Variants in SNX29 observed in about 807,000 individuals in gnomAD.
SNX29 encodes the protein sorting nexin 29.
Under a neutral mutation model 102.1 loss-of-function variants are expected in SNX29, and 78 were observed. The ratio of observed to expected loss-of-function variants is 0.76; its 90% CI spans 0.64 to 0.92. The LOEUF is 0.92. Ranked by LOEUF, SNX29 falls within the 40% of genes least tolerant of loss-of-function variation. SNX29 has a pLI of 0.00. For synonymous variants in SNX29, 580 were observed against 414.5 expected (o/e 1.40, Z -4.85); for missense variants, 1,280 against 1,061.7 (o/e 1.21, Z -2.86).
At chr16:12,362,310 A>T (rs2082322946) in intron 16 of SNX29, among the ~76,000 whole-genome samples, 1 of 152,314 alleles carries the variant, frequency 6.6e-6, no homozygotes, top group African/African-American at 2.4e-5. Context: ...CTGGCAGTCC[A>T]CAGGGCTCAG....
rs143115677 is a variant in SNX29, at chr16:12,539,543, A to C, written c.2318+14702A>C. Among the ~76,000 whole-genome samples, 8 of 152,346 alleles carry C rather than the reference A, an allele frequency of 5.3e-5. No homozygotes were observed. The East Asian group carries it at 1.3e-3, about 26-fold the overall frequency. On this transcript the variant is annotated intron_variant, in intron 20 of 20. Coordinates refer to ENST00000566228, the MANE Select transcript of SNX29 (RefSeq NM_032167.5). ...TGGCAATTTTGAATAGAGCTAGTGG[A>C]AACATTCAAGTGCAGCTTTTTGTGT...
chr16:12,563,605 C>T (rs1212381670), intron 20 of SNX29, among the ~76,000 whole-genome samples: 1 of 88,570 alleles, frequency 1.1e-5, no homozygotes, highest in African/African-American at 3.2e-5. Context: ...TCTGTATCAC[C>T]ACATCTCACA....
chr16:12,536,099 C>T (rs2077070370), intron 20 of SNX29, among the ~76,000 whole-genome samples: 2 of 152,156 alleles, frequency 1.3e-5, no homozygotes, highest in Admixed American at 6.5e-5. Flanking sequence ...TTGCCTGGAC[C>T]AGAGAGAAGG....
chr16:12,220,929 G>C (rs2077458931), intron 14 of SNX29, among the ~76,000 whole-genome samples: 3 of 152,256 alleles, frequency 2.0e-5, no homozygotes, highest in South Asian at 4.1e-4. Flanking sequence ...ATGGGAGAAG[G>C]GGGGTGGTAG....
Position 12,345,881 on chromosome 16 carries a change from T to A in SNX29, c.1783-10282T>A, listed in dbSNP as rs192283546. 1.6e-3 allele frequency among the ~76,000 whole-genome samples: 238 copies of A among 152,326 alleles called. 1 individual carries two copies. Among genetic ancestry groups the A allele is most frequent in the African/African-American group, 5.6e-3 (232 of 41,578 alleles). On this transcript the variant is annotated intron_variant, in intron 15 of 20. Transcript: ENST00000566228. ...TAGTGGAAAGCCATTGAAGAATTTT[T>A]TTTTAAGTTTGGATTGTGGACAAAT...
intron 17 of SNX29, among the ~76,000 whole-genome samples, chr16:12,403,177 A>G (rs2084016007): frequency 6.7e-6 from 1 of 149,344 alleles, no homozygotes. Flanking sequence ...GCTCTTTCAC[A>G]TTCCGGAGTA....
rs936558778 is a variant in SNX29, at chr16:12,573,954, C to T, written c.*5325C>T. 22 of 199,152 alleles carry T rather than the reference C, an allele frequency of 1.1e-4. No homozygotes were observed. The highest frequency in any genetic ancestry group is 4.1e-4 in the African/African-American group (18 of 43,626). The allele number at this position is 199,152 out of a possible 1,614,324, so 12.3% of individuals were successfully genotyped here. On this transcript the variant is annotated 3_prime_UTR_variant, in exon 21 of 21. Coordinates refer to ENST00000566228, the MANE Select transcript of SNX29 (RefSeq NM_032167.5). ...AGCGAGTCTTTTTTGAATGGAGGAG[C>T]GATGGTAACCCCACTAGGGGGCGCC...
At position 12,524,642 on chromosome 16, in the gene SNX29, G is replaced by C. The variant is rs1316826270; in HGVS notation, c.2179-60G>C. 11 of 1,576,718 alleles carry C rather than the reference G, an allele frequency of 7.0e-6. No individual in the cohort carries two copies. In the Admixed American group the frequency reaches 1.8e-4, roughly 26 times the overall value. ...TGATGGGTGATCGCCTGTTCTATAG[G>C]GTCATTTCTGACCAGGTGAGGAAGA... On this transcript the variant is annotated intron_variant, in intron 19 of 20. Coordinates refer to ENST00000566228, the MANE Select transcript of SNX29 (RefSeq NM_032167.5).
chr16:12,475,389 G>A (rs762575597), intron 18 of SNX29, among the ~76,000 whole-genome samples: 17 of 152,164 alleles, frequency 1.1e-4, no homozygotes, highest in Non-Finnish European at 2.1e-4. Flanking sequence ...TTTAGATCAG[G>A]GGTTATCAAA....
chr16:12,404,301 G>A (rs1039585883), intron 18 of SNX29, among the ~76,000 whole-genome samples: 4 of 152,152 alleles, frequency 2.6e-5, no homozygotes, highest in African/African-American at 9.7e-5. Context: ...TGTCTGCTTA[G>A]GAGGTGATTT....
intron 18 of SNX29, among the ~76,000 whole-genome samples, chr16:12,407,404 G>T (rs2084210275): frequency 6.6e-6 from 1 of 151,282 alleles, no homozygotes; most frequent in Non-Finnish European, 1.5e-5. Context: ...CATTTACCAT[G>T]GTGATGTACA....
At chr16:12,259,253 C>T (rs944670549) in intron 14 of SNX29, among the ~76,000 whole-genome samples, 12 of 152,302 alleles carry the variant, frequency 7.9e-5, no homozygotes, top group South Asian at 4.1e-4. Flanking sequence ...AAATGCACTC[C>T]GCTTCCAGGT....
At chr16:12,115,725 C>T (rs1359434974) in intron 11 of SNX29, among the ~76,000 whole-genome samples, 1 of 152,206 alleles carries the variant, frequency 6.6e-6, no homozygotes, top group Non-Finnish European at 1.5e-5. Flanking sequence ...ACCTGTACTC[C>T]ACTTGTCACC....
At chr16:12,500,527 G>A (rs572206457) in intron 19 of SNX29, among the ~76,000 whole-genome samples, 6 of 152,358 alleles carry the variant, frequency 3.9e-5, no homozygotes, top group African/African-American at 1.2e-4. Flanking sequence ...AGAACACAGT[G>A]GTGAATATTT....
chr16:12,107,193 C>T (rs572689469), intron 11 of SNX29, among the ~76,000 whole-genome samples: 4 of 152,224 alleles, frequency 2.6e-5, no homozygotes, highest in African/African-American at 9.6e-5. Flanking sequence ...CACGTGAAGG[C>T]GAGAGATGTC....
chr16:12,013,541 A>ATATG (rs1325376334), intron 3 of SNX29, among the ~76,000 whole-genome samples: 6 of 119,222 alleles, frequency 5.0e-5, no homozygotes, highest in East Asian at 6.4e-4. Context: ...ATATATATAT[A>ATATG]TCGAGAGAGG....
chr16:12,387,140 A>G (rs1194225030), intron 16 of SNX29, among the ~76,000 whole-genome samples: 3 of 151,382 alleles, frequency 2.0e-5, no homozygotes, highest in Non-Finnish European at 4.4e-5. Context: ...AAAAATAAAA[A>G]AAAAAGAGAG....
intron 9 of SNX29, among the ~76,000 whole-genome samples, chr16:12,067,988 A>G (rs1055995202): frequency 4.2e-5 from 6 of 143,114 alleles, no homozygotes; most frequent in African/African-American, 1.3e-4. Flanking sequence ...AAATGCACTT[A>G]ATGCAGGGAA....
intron 13 of SNX29, among the ~76,000 whole-genome samples, chr16:12,131,677 TTAAAA>T (rs1178295060): frequency 2.6e-5 from 4 of 152,300 alleles, no homozygotes; most frequent in African/African-American, 9.6e-5. Context: ...TAAATCTACT[TTAAAA>T]TAAGACCACG....
Sources: allele counts gnomAD v4.1 joint callset (sites outside exome capture counted in the v4.1 genomes callset), GRCh38; gene constraint gnomAD v4.1.1; transcripts MANE v1.5; gene names NCBI Gene and HGNC (gene_info 2026-07-23, HGNC 2026-07-21).